Variants in IRX2 observed in about 807,000 individuals in gnomAD.
The protein encoded by IRX2 is iroquois homeobox 2.
A neutral mutation model predicts 42.9 loss-of-function variants in IRX2; 26 were observed. The ratio of observed to expected loss-of-function variants is 0.61; its 90% CI spans 0.44 to 0.84. The LOEUF (loss-of-function observed/expected upper bound fraction) is 0.84, where lower values mean the gene tolerates loss of function less well. Ranked by LOEUF, IRX2 falls within the 40% of genes least tolerant of loss-of-function variation. The pLI is 0.00. For synonymous variants in IRX2, 424 were observed against 353.9 expected (o/e 1.20, Z -2.22); for missense variants, 782 against 713.9 (o/e 1.10, Z -1.09).
chr5:2,748,898 G>GTCGTCGTCC lies in IRX2; in HGVS notation c.801_809dup (p.Glu267_Asp269dup). 1.3e-6 allele frequency: 2 copies of GTCGTCGTCC among 1,595,750 alleles called. No homozygotes were observed. Among genetic ancestry groups the GTCGTCGTCC allele is most frequent in the South Asian group, 1.1e-5 (1 of 90,544 alleles). On this transcript the variant is annotated inframe_insertion, in exon 3 of 4. Transcript: ENST00000302057. ...GCGCCAGGCCCCGCTCGCCCTCCTC[G>GTCGTCGTCC]TCGTCGTCCTCGTCGTCCTCCAGGT...
intron 1 of IRX2, among the ~76,000 whole-genome samples, chr5:2,750,049 C>T (rs541020330): frequency 6.6e-6 from 1 of 152,320 alleles, no homozygotes; most frequent in Admixed American, 6.5e-5. Flanking sequence ...CTAAGTGTTC[C>T]GGAGCCGCTC....
chr5:2,748,380 T>C lies in IRX2; in HGVS notation c.1328A>G (p.Tyr443Cys), dbSNP rs1344247510. ...CTCGTAGCCGCCGCCCGGGGACCGGTAGTGGGACTCGAGCGGGTGCGCGCC... is the reference window on the plus strand; with the variant it reads ...CTCGTAGCCGCCGCCCGGGGACCGGCAGTGGGACTCGAGCGGGTGCGCGCC... Reference protein sequence around the residue: ...KAGAHPLESHYRSPGGGYEPK... With the variant: ...KAGAHPLESHCRSPGGGYEPK... Residue 443 changes from tyrosine to cysteine, a missense_variant, in exon 3 of 4, where the codon TAC becomes TGC. Transcript: ENST00000302057. 2.0e-6 allele frequency: 3 copies of C among 1,471,828 alleles called. No homozygotes were observed. Among genetic ancestry groups the C allele is most frequent in the South Asian group, 1.3e-5 (1 of 75,940 alleles). The allele number at this position is 1,471,828 out of a possible 1,614,324, so 91.2% of individuals were successfully genotyped here.
chr5:2,747,846 A>T (rs1437106370), intron 3 of IRX2, among the ~76,000 whole-genome samples: 1 of 152,240 alleles, frequency 6.6e-6, no homozygotes, highest in Non-Finnish European at 1.5e-5. Context: ...GCAACATAGC[A>T]CAGGGGAAAA....
At chr5:2,737,682 G>T in the IRX2 span, 1 of 152,228 alleles carries the variant, frequency 6.6e-6, no homozygotes, top group Admixed American at 6.5e-5. Context: ...ACCATGCCTG[G>T]GTGTTCACCC....
the IRX2 span, among the ~76,000 whole-genome samples, chr5:2,740,795 C>T: frequency 6.6e-6 from 1 of 152,210 alleles, no homozygotes; most frequent in African/African-American, 2.4e-5. Flanking sequence ...CCCGCACCTT[C>T]GGCCCAGGGT....
chr5:2,751,499 G>T lies in IRX2; in HGVS notation c.-86C>A. The T allele has an allele frequency of 1.1e-6, 1 of 908,368 alleles. No homozygotes were observed. The highest frequency in any genetic ancestry group is 1.2e-4 in the East Asian group (1 of 8,154). 56.3% of individuals were successfully genotyped at this position (908,368 alleles called of 1,614,324 possible). A position where few individuals can be genotyped will look rare whatever the true frequency, so the allele number is the denominator to read the frequency against. On this transcript the variant is annotated 5_prime_UTR_variant, in exon 1 of 4. Coordinates refer to ENST00000302057, the MANE Select transcript of IRX2 (RefSeq NM_033267.5). This position sits in a 1 kb window ranked among gnomAD's most constrained non-coding sequence, Gnocchi z 4.0. The stretch of plus-strand genomic sequence containing the variant: ...TCCATCCACGCCCGGCCGGGGCGCG[G>T]CGCGGCGGCGGGCACCCGGACGGCC...
chr5:2,743,252 A>G (rs1737581357), downstream of IRX2, among the ~76,000 whole-genome samples: 1 of 151,130 alleles, frequency 6.6e-6, no homozygotes, highest in Non-Finnish European at 1.5e-5. Context: ...TCCTCGCATC[A>G]GACAAAGGTG....
chr5:2,751,322 G>A lies in IRX2; in HGVS notation c.92C>T (p.Pro31Leu), dbSNP rs1737967469. 5 of 1,438,790 alleles carry A rather than the reference G, an allele frequency of 3.5e-6. No individual in the cohort carries two copies. The highest frequency in any genetic ancestry group is 1.5e-5 in the African/African-American group (1 of 66,888). 89.1% of individuals were successfully genotyped at this position (1,438,790 alleles called of 1,614,324 possible). Residue 31 changes from proline (P) to leucine (L), a missense_variant, in exon 1 of 4, where the codon CCG (proline) becomes CTG (leucine). Pro to Leu is a moderately conservative substitution (Grantham distance 98, BLOSUM62 -3). Transcript: ENST00000302057. This position sits in a 1 kb window ranked among gnomAD's most constrained non-coding sequence, Gnocchi z 4.0. Reference sequence around the variant, plus strand: ...CGAGCGCGCCAGCTCCTCGCTGCGCGGAGCCGCCAAAGCCGACGCGCCGTA... The same window carrying A: ...CGAGCGCGCCAGCTCCTCGCTGCGCAGAGCCGCCAAAGCCGACGCGCCGTA... Reference protein sequence around the residue: ...PAYGASALAAPRSEELARSAS... With the variant: ...PAYGASALAALRSEELARSAS...
chr5:2,749,663 G>A lies in IRX2; in HGVS notation c.374C>T (p.Ala125Val), dbSNP rs1737855768. 1 of 1,614,066 alleles carries A rather than the reference G, an allele frequency of 6.2e-7. No individual in the cohort carries two copies. The highest frequency in any genetic ancestry group is 1.7e-5 in the Admixed American group (1 of 60,008). The change falls in exon 2 of 4, where the codon GCC (alanine) becomes GTC (valine). Residue 125 changes from alanine (A) to valine (V), a missense_variant. Coordinates refer to ENST00000302057, the MANE Select transcript of IRX2 (RefSeq NM_033267.5). ...PAYRKNATRD[A>V]TATLKAWLNE... ...GAGCCAGGCCTTGAGAGTGGCCGTG[G>A]CGTCCCGCGTGGCGTTCTTGCGGTA... is the stretch of plus-strand genomic sequence containing the variant.
the IRX2 span, chr5:2,737,056 G>A: frequency 6.6e-6 from 1 of 152,222 alleles, no homozygotes; most frequent in African/African-American, 2.4e-5. Context: ...AGCATGCGGT[G>A]GTGGTCTGTG....
the IRX2 span, among the ~76,000 whole-genome samples, chr5:2,735,764 G>T: frequency 6.6e-6 from 1 of 152,166 alleles, no homozygotes; most frequent in African/African-American, 2.4e-5. Flanking sequence ...TGAGAATTGA[G>T]CTGAATGCCA....
downstream of IRX2, among the ~76,000 whole-genome samples, chr5:2,742,846 A>G (rs1350805031): frequency 6.6e-6 from 1 of 152,166 alleles, no homozygotes; most frequent in Admixed American, 6.5e-5. Flanking sequence ...AGGCTGTAAC[A>G]GTGGTAGTTT....
chr5:2,748,351 TG>T lies in IRX2; in HGVS notation c.1356del (p.Lys453ArgfsTer112). 6.9e-7 allele frequency: 1 copy of T among 1,443,454 alleles called. No homozygotes were observed. Among genetic ancestry groups the T allele is most frequent in the Non-Finnish European group, 9.0e-7 (1 of 1,107,754 alleles). 89.4% of individuals were successfully genotyped at this position (1,443,454 alleles called of 1,614,324 possible). ...HYRSPGGGYE[P>X]KKDASEGCTV... ...CCGGCCGCGGGCCGCCTACCTTTCTTGGGCTCGTAGCCGCCGCCCGGGGACC... is the reference window on the plus strand; with the variant it reads ...CCGGCCGCGGGCCGCCTACCTTTCTTGGCTCGTAGCCGCCGCCCGGGGACC... On this transcript the variant is annotated frameshift_variant, in exon 3 of 4. Transcript: ENST00000302057. LOFTEE classifies it high-confidence loss of function.
At chr5:2,744,745 T>A (rs981470133), downstream of IRX2, among the ~76,000 whole-genome samples, 3 of 152,194 alleles carry the variant, frequency 2.0e-5, no homozygotes, top group African/African-American at 4.8e-5. Flanking sequence ...AAAACAGTTC[T>A]CCACCACAGA....
At chr5:2,749,200 TC>T (rs1737826087) in intron 2 of IRX2, 148 bp from the exon 3 acceptor site, 2 of 1,457,800 alleles carry the variant, frequency 1.4e-6, no homozygotes, top group East Asian at 5.0e-5. Flanking sequence ...GAGCCTGACC[TC>T]CCCGGGAAGG....
At chr5:2,745,634 A>C (rs1020300296), downstream of IRX2, among the ~76,000 whole-genome samples, 1 of 152,206 alleles carries the variant, frequency 6.6e-6, no homozygotes, top group Non-Finnish European at 1.5e-5. Flanking sequence ...CCGAGGTTTA[A>C]TGTGCATTAT....
Position 2,749,651 on chromosome 5 carries a change from A to G in IRX2, c.386T>C (p.Leu129Pro), listed in dbSNP as rs1737855054. 1.2e-6 allele frequency: 2 copies of G among 1,614,078 alleles called. No homozygotes were observed. The highest frequency in any genetic ancestry group is 1.7e-6 in the Non-Finnish European group (2 of 1,180,014). ...KNATRDATAT[L>P]KAWLNEHRKN... ...GCGGTGCTCGTTGAGCCAGGCCTTG[A>G]GAGTGGCCGTGGCGTCCCGCGTGGC... Residue 129 changes from leucine (L) to proline (P), a missense_variant, in exon 2 of 4, where the codon CTC becomes CCC. This residue lies in a region of IRX2 where 256 missense variants were observed against 250.0 expected (regional missense o/e 1.02). Coordinates refer to ENST00000302057, the MANE Select transcript of IRX2 (RefSeq NM_033267.5).
In IRX2 at chr5:2,747,592, A is replaced by G; in HGVS notation, c.1388T>C (p.Val463Ala). ...KKDASEGCTV[V>A]GGGVQPYL is the part of the protein sequence containing the mutation. ...TAGGTAGGGCTGGACGCCCCCGCCAACCACGGTGCAGCCCTCGCTGGCATC... is the reference window on the plus strand; with the variant it reads ...TAGGTAGGGCTGGACGCCCCCGCCAGCCACGGTGCAGCCCTCGCTGGCATC... The change falls in exon 4 of 4, where the codon GTT becomes GCT. Residue 463 changes from valine to alanine, a missense_variant. By Grantham distance (64) the Val-to-Ala change is moderately conservative. Transcript: ENST00000302057. The G allele has an allele frequency of 6.2e-7, 1 of 1,614,040 alleles. No individual in the cohort carries two copies.
In IRX2 at chr5:2,751,071, C is replaced by A; in HGVS notation, c.249+94G>T. On this transcript the variant is annotated intron_variant, in intron 1 of 3. Coordinates refer to ENST00000302057, the MANE Select transcript of IRX2 (RefSeq NM_033267.5). This position sits in a 1 kb window ranked among gnomAD's most constrained non-coding sequence, Gnocchi z 4.0. Reference sequence around the variant, plus strand: ...GTCGCCAGCCGCGCCACATTCCCGGCGGCCCCCGCCCGCCGAACCCGAGCC... The same window carrying A: ...GTCGCCAGCCGCGCCACATTCCCGGAGGCCCCCGCCCGCCGAACCCGAGCC... The A allele has an allele frequency of 1.7e-6, 2 of 1,171,078 alleles. No individual in the cohort carries two copies. The highest frequency in any genetic ancestry group is 2.1e-6 in the Non-Finnish European group (2 of 946,130). The allele number at this position is 1,171,078 out of a possible 1,614,324, so 72.5% of individuals were successfully genotyped here.
Sources: allele counts gnomAD v4.1 joint callset (sites outside exome capture counted in the v4.1 genomes callset), GRCh38; gene constraint gnomAD v4.1.1; regional missense constraint gnomAD v4.1.1; non-coding constraint Gnocchi (gnomAD v3.1); transcripts MANE v1.5; gene names NCBI Gene and HGNC (gene_info 2026-07-23, HGNC 2026-07-21).